POFUT3: variants seen among roughly 807,000 people sequenced by gnomAD.
The protein encoded by POFUT3 is protein O-fucosyltransferase 3.
the POFUT3 span, among the ~76,000 whole-genome samples, chr8:33,449,312 CAG>C: frequency 1.0e-5 from 1 of 97,136 alleles, no homozygotes; most frequent in African/African-American, 4.0e-5. Context: ...TTTTTTGAGA[CAG>C]AGTCTCACTC....
chr8:33,398,881 T>C, the POFUT3 span, among the ~76,000 whole-genome samples: 2 of 152,184 alleles, frequency 1.3e-5, no homozygotes, highest in African/African-American at 4.8e-5. Context: ...CTATGGGCCT[T>C]CTTATGGGCC....
At chr8:33,355,036 C>G in the POFUT3 span, among the ~76,000 whole-genome samples, 1 of 152,152 alleles carries the variant, frequency 6.6e-6, no homozygotes, top group Admixed American at 6.5e-5. Context: ...TCTGCCAGTA[C>G]CCACAATGGA....
the POFUT3 span, among the ~76,000 whole-genome samples, chr8:33,439,960 C>T: frequency 6.6e-6 from 1 of 152,130 alleles, no homozygotes; most frequent in Non-Finnish European, 1.5e-5. Context: ...ATTCAAATCT[C>T]ATCTCATGCT....
chr8:33,416,445 C>G, the POFUT3 span, among the ~76,000 whole-genome samples: 1 of 151,728 alleles, frequency 6.6e-6, no homozygotes, highest in Non-Finnish European at 1.5e-5. Context: ...GATATGGTGG[C>G]GCACACCTGT....
At chr8:33,455,620 A>C in the POFUT3 span, 5 of 273,900 alleles carry the variant, frequency 1.8e-5, no homozygotes, top group African/African-American at 1.1e-4. Flanking sequence ...TGTAACTGAA[A>C]GTTTAGTAGA....
the POFUT3 span, among the ~76,000 whole-genome samples, chr8:33,309,181 TATATATATATATATATATAC>T: frequency 9.4e-5 from 10 of 106,074 alleles, no homozygotes; most frequent in East Asian, 2.0e-3. Context: ...TATATATATA[TATATATATATATATATATAC>T]ACACACATAT....
At chr8:33,438,181 A>G in the POFUT3 span, among the ~76,000 whole-genome samples, 145,519 of 152,322 alleles carry the variant, frequency 0.96, 69,562 homozygotes, top group East Asian at 1. Flanking sequence ...TGAACAAAGC[A>G]TCTGAAAAGT....
the POFUT3 span, among the ~76,000 whole-genome samples, chr8:33,386,345 ACCACCT>A: frequency 6.6e-6 from 1 of 152,120 alleles, no homozygotes; most frequent in Non-Finnish European, 1.5e-5. Flanking sequence ...ATCTTCGCTG[ACCACCT>A]CTCTGGGAGG....
chr8:33,430,897 C>T, the POFUT3 span, among the ~76,000 whole-genome samples: 2 of 152,116 alleles, frequency 1.3e-5, no homozygotes, highest in African/African-American at 2.4e-5. Context: ...CGTGAGCCAC[C>T]GCACCTGGCC....
At chr8:33,345,232 A>C in the POFUT3 span, among the ~76,000 whole-genome samples, 1 of 152,194 alleles carries the variant, frequency 6.6e-6, no homozygotes, top group Non-Finnish European at 1.5e-5. Context: ...TTATTAAATT[A>C]CCCTGAAAAA....
chr8:33,471,733 T>G, the POFUT3 span, among the ~76,000 whole-genome samples: 6 of 152,284 alleles, frequency 3.9e-5, no homozygotes, highest in African/African-American at 1.4e-4. Context: ...AAAACTTACT[T>G]TTTTTTCTTA....
At chr8:33,348,345 G>A in the POFUT3 span, among the ~76,000 whole-genome samples, 1 of 152,128 alleles carries the variant, frequency 6.6e-6, no homozygotes, top group Admixed American at 6.5e-5. Context: ...TTGATGATGA[G>A]TGAAAATAAT....
the POFUT3 span, among the ~76,000 whole-genome samples, chr8:33,318,256 C>A: frequency 1.3e-5 from 2 of 151,458 alleles, no homozygotes; most frequent in African/African-American, 2.4e-5. Context: ...CAATAATATA[C>A]TGTTTCACTT....
At chr8:33,389,428 GT>G in the POFUT3 span, 1 of 1,614,174 alleles carries the variant, frequency 6.2e-7, no homozygotes, top group Non-Finnish European at 8.5e-7. Flanking sequence ...GGAGGTCTTT[GT>G]TTCGTAAACA....
chr8:33,342,156 G>A, the POFUT3 span, among the ~76,000 whole-genome samples: 1 of 151,996 alleles, frequency 6.6e-6, no homozygotes, highest in Non-Finnish European at 1.5e-5. Context: ...ACTCCAGCCT[G>A]GGAGACAGAA....
At chr8:33,448,450 A>C in the POFUT3 span, among the ~76,000 whole-genome samples, 1 of 151,916 alleles carries the variant, frequency 6.6e-6, no homozygotes, top group East Asian at 2.0e-4. Context: ...ACAAACAAAA[A>C]ACAAATATGG....
chr8:33,416,981 T>A, the POFUT3 span, among the ~76,000 whole-genome samples: 1 of 152,194 alleles, frequency 6.6e-6, no homozygotes, highest in Non-Finnish European at 1.5e-5. Flanking sequence ...TAGGCCGGTA[T>A]CCATCCGTAG....
At chr8:33,334,350 T>G in the POFUT3 span, among the ~76,000 whole-genome samples, 1 of 152,138 alleles carries the variant, frequency 6.6e-6, no homozygotes, top group Non-Finnish European at 1.5e-5. Flanking sequence ...CCCAAGTAGC[T>G]GGGATTACTG....
At chr8:33,464,574 C>T in the POFUT3 span, among the ~76,000 whole-genome samples, 1 of 152,076 alleles carries the variant, frequency 6.6e-6, no homozygotes, top group African/African-American at 2.4e-5. Context: ...GCTTGGGAGG[C>T]CAAGGTGGAA....
Sources: allele counts gnomAD v4.1 joint callset (sites outside exome capture counted in the v4.1 genomes callset), GRCh38; gene constraint gnomAD v4.1.1; transcripts MANE v1.5; gene names NCBI Gene and HGNC (gene_info 2026-07-23, HGNC 2026-07-21).